Variants in RHBDL3 observed in about 807,000 individuals in gnomAD.
The protein encoded by RHBDL3 is rhomboid like 3.
RHBDL3 carries 28 observed loss-of-function variants against 48.2 expected under a neutral mutation model. The ratio of observed to expected loss-of-function variants is 0.58; its 90% CI spans 0.43 to 0.80. The LOEUF is 0.80. Ranked by LOEUF, RHBDL3 falls within the 30% of genes least tolerant of loss-of-function variation. The pLI, the probability that RHBDL3 is intolerant of heterozygous loss-of-function variation, is 0.00. For missense variants in RHBDL3, 464 were observed against 542.7 expected (o/e 0.85, Z 1.44); for synonymous variants, 208 against 232.3 (o/e 0.90, Z 0.95).
At chr17:32,307,341 C>T (rs1453942642) in intron 7 of RHBDL3, among the ~76,000 whole-genome samples, 1 of 152,204 alleles carries the variant, frequency 6.6e-6, no homozygotes, top group African/African-American at 2.4e-5. Flanking sequence ...CCATCAGTGT[C>T]TTCGCCCACG....
At chr17:32,285,142 G>A (rs763912853) in intron 3 of RHBDL3, among the ~76,000 whole-genome samples, 3 of 151,334 alleles carry the variant, frequency 2.0e-5, no homozygotes, top group East Asian at 1.9e-4. Context: ...GAGAGAGAGG[G>A]AGGGAGGGAT....
rs778436144 is a variant in RHBDL3, at chr17:32,298,114, G to A, written c.691G>A (p.Val231Met). The A allele has an allele frequency of 6.2e-7, 1 of 1,613,904 alleles. No individual in the cohort carries two copies. The highest frequency in any genetic ancestry group is 8.5e-7 in the Non-Finnish European group (1 of 1,179,758). ...CAGGATAGAACACCTGGGACTCAAT[G>A]TGGTGCTGCAGCTGCTGGTGGGGGT... ...HAGIEHLGLN[V>M]VLQLLVGVPL... Residue 231 changes from valine to methionine, a missense_variant, in exon 6 of 9, where the codon GTG (valine) becomes ATG (methionine). Physicochemically the swap from Val to Met is conservative, Grantham distance 21 (BLOSUM62 1). Transcript: ENST00000269051.
chr17:32,299,283 G>A (rs929828805), intron 6 of RHBDL3, among the ~76,000 whole-genome samples: 3 of 152,122 alleles, frequency 2.0e-5, no homozygotes, highest in Admixed American at 6.6e-5. Flanking sequence ...CCACCCACAC[G>A]AGGCTGGTCT....
At chr17:32,284,206 G>C (rs894859718) in intron 2 of RHBDL3, 1 of 154,060 alleles carries the variant, frequency 6.5e-6, no homozygotes, top group Non-Finnish European at 1.4e-5. Context: ...TTGCAAGGCA[G>C]TGCTTCTTGC....
chr17:32,267,946 C>G (rs776421588), intron 2 of RHBDL3, 21 bp downstream of exon 2: 1 of 1,568,612 alleles, frequency 6.4e-7, no homozygotes, highest in East Asian at 2.2e-5. Flanking sequence ...AGTTAACCCC[C>G]CATTTCCTTC....
intron 7 of RHBDL3, 128 bp from the exon 8 acceptor site, chr17:32,316,104 C>G (rs2040966528): frequency 4.2e-6 from 3 of 712,926 alleles, no homozygotes; most frequent in African/African-American, 1.8e-5. Flanking sequence ...TGTTCTGCTA[C>G]TAAGCCACAA....
chr17:32,267,934 G>C lies in RHBDL3; in HGVS notation c.135+9G>C. ...AAGTCCTGTTTGATCAGGTATGTGA[G>C]CAGTTAACCCCCCATTTCCTTCCAG... On this transcript the variant is annotated intron_variant, in intron 2 of 8. Coordinates refer to ENST00000269051, the MANE Select transcript of RHBDL3 (RefSeq NM_138328.3). 1 of 1,598,438 alleles carries C rather than the reference G, an allele frequency of 6.3e-7. No homozygotes were observed. The highest frequency in any genetic ancestry group is 8.6e-7 in the Non-Finnish European group (1 of 1,165,768).
rs1252802569 is a variant in RHBDL3 at position 32,324,341 on chromosome 17, C to A, written c.*3112C>A. ...GCCCAGAGGATTAGGGGAGCTGTTG[C>A]TCACCACACCAGGATCTTCCCCCAG... On this transcript the variant is annotated 3_prime_UTR_variant, in exon 9 of 9. Transcript: ENST00000269051. 1 of 152,620 alleles carries A rather than the reference C, an allele frequency of 6.6e-6. No homozygotes were observed. The highest frequency in any genetic ancestry group is 1.5e-5 in the Non-Finnish European group (1 of 68,030). The allele number at this position is 152,620 out of a possible 1,614,324, so 9.5% of individuals were successfully genotyped here.
At chr17:32,301,299 G>T (rs1015115030) in intron 6 of RHBDL3, among the ~76,000 whole-genome samples, 1 of 151,774 alleles carries the variant, frequency 6.6e-6, no homozygotes, top group African/African-American at 2.4e-5. Flanking sequence ...CGGGCAAAGT[G>T]GCTCACTCCT....
chr17:32,304,406 G>A (rs1379552707), intron 6 of RHBDL3, among the ~76,000 whole-genome samples: 3 of 152,198 alleles, frequency 2.0e-5, no homozygotes, highest in Non-Finnish European at 4.4e-5. Context: ...GTGGCTGCTA[G>A]AGAGGCCAAG....
At position 32,292,512 on chromosome 17, in the gene RHBDL3, A is replaced by G. The variant is rs116256264; in HGVS notation, c.520-1782A>G. 5.9e-3 allele frequency among the ~76,000 whole-genome samples: 894 copies of G among 152,262 alleles called. 6 individuals are homozygous for G. Among genetic ancestry groups the G allele is most frequent in the African/African-American group, 0.02 (834 of 41,544 alleles). Reference sequence around the variant, plus strand: ...ATCGGTAGATGAATGGAGAAACAAAATGTGGTCTGTGTTTATAGTGGAGGG... The same window carrying G: ...ATCGGTAGATGAATGGAGAAACAAAGTGTGGTCTGTGTTTATAGTGGAGGG... On this transcript the variant is annotated intron_variant, in intron 4 of 8. Coordinates refer to ENST00000269051, the MANE Select transcript of RHBDL3 (RefSeq NM_138328.3).
chr17:32,267,903 A>T lies in RHBDL3; in HGVS notation c.113A>T (p.His38Leu), dbSNP rs746282122. ...CTGCATGGCCTCCCTCTCTGCCAGCACTGGAAAGTCCTGTTTGATCAGGTA... is the reference window on the plus strand; with the variant it reads ...CTGCATGGCCTCCCTCTCTGCCAGCTCTGGAAAGTCCTGTTTGATCAGGTA... ...EERLPAAPED[H>L]WKVLFDQFDP... The change falls in exon 2 of 9, where the codon CAC (histidine) becomes CTC (leucine). Residue 38 changes from histidine to leucine, a missense_variant and splice_region_variant. Coordinates refer to ENST00000269051, the MANE Select transcript of RHBDL3 (RefSeq NM_138328.3). 6 of 1,613,640 alleles carry T rather than the reference A, an allele frequency of 3.7e-6. No homozygotes were observed. Among genetic ancestry groups the T allele is most frequent in the Non-Finnish European group, 5.1e-6 (6 of 1,179,704 alleles).
chr17:32,267,830 A>AG, intron 1 of RHBDL3, 72 bp from the exon 2 acceptor site: 1 of 1,612,570 alleles, frequency 6.2e-7, no homozygotes, highest in Non-Finnish European at 8.5e-7. Flanking sequence ...AGGACTACAG[A>AG]GACCTTGGTG....
chr17:32,295,094 C>T (rs976640525), intron 5 of RHBDL3, among the ~76,000 whole-genome samples: 6 of 152,186 alleles, frequency 3.9e-5, no homozygotes, highest in African/African-American at 1.4e-4. Context: ...CACCAGGCCT[C>T]TGTGGTGTCT....
intron 4 of RHBDL3, among the ~76,000 whole-genome samples, chr17:32,289,282 C>T (rs2040272850): frequency 6.6e-6 from 1 of 152,096 alleles, no homozygotes; most frequent in Admixed American, 6.6e-5. Flanking sequence ...CCCGTAGGAC[C>T]ACTACCCCCC....
chr17:32,272,020 A>G (rs1390284985), intron 2 of RHBDL3, among the ~76,000 whole-genome samples: 1 of 152,248 alleles, frequency 6.6e-6, no homozygotes, highest in Non-Finnish European at 1.5e-5. Context: ...GGAGGTAATT[A>G]CATTAGCTCT....
At chr17:32,278,806 C>T (rs2039974109) in intron 2 of RHBDL3, among the ~76,000 whole-genome samples, 1 of 152,132 alleles carries the variant, frequency 6.6e-6, no homozygotes, top group South Asian at 2.1e-4. Flanking sequence ...CAAGTTAGGA[C>T]ACTTTGAGAG....
intron 2 of RHBDL3, among the ~76,000 whole-genome samples, chr17:32,276,089 C>T (rs765276413): frequency 2.0e-5 from 3 of 151,988 alleles, no homozygotes; most frequent in East Asian, 1.9e-4. Context: ...TTAAGTGGGA[C>T]GAACCAGACT....
chr17:32,313,857 C>T (rs1040699708), intron 7 of RHBDL3, among the ~76,000 whole-genome samples: 3 of 145,280 alleles, frequency 2.1e-5, no homozygotes, highest in South Asian at 2.2e-4. Context: ...CCCGAGTTCA[C>T]GCCATTCACC....
Sources: gnomAD v4.1 joint callset for allele counts (sites outside exome capture counted in the v4.1 genomes callset) on GRCh38, gnomAD v4.1.1 for gene constraint, MANE v1.5 for transcripts, NCBI Gene and HGNC (gene_info 2026-07-23, HGNC 2026-07-21) for gene names.